Variants in TFRC observed in about 807,000 individuals in gnomAD.
TFRC encodes transferrin receptor, also known as transferrin receptor protein 1.
In TFRC, 35 loss-of-function variants were observed where a neutral mutation model predicts 85.8. The ratio of observed to expected loss-of-function variants is 0.41; its 90% CI spans 0.31 to 0.54. The LOEUF is 0.54. Ranked by LOEUF, TFRC falls within the 20% of genes least tolerant of loss-of-function variation. TFRC has a pLI of 0.31. For synonymous variants in TFRC, 362 were observed against 328.6 expected (o/e 1.10, Z -1.10); for missense variants, 828 against 921.5 (o/e 0.90, Z 1.31).
chr3:196,080,428 A>G (rs1719070996), intron 1 of TFRC, among the ~76,000 whole-genome samples: 1 of 152,076 alleles, frequency 6.6e-6, no homozygotes, highest in African/African-American at 2.4e-5. Flanking sequence ...TAGTAGAGAC[A>G]GGATTTCACC....
At chr3:196,079,509 G>T (rs915291565) in intron 1 of TFRC, among the ~76,000 whole-genome samples, 1 of 152,180 alleles carries the variant, frequency 6.6e-6, no homozygotes, top group African/African-American at 2.4e-5. Flanking sequence ...AGCTACTGGG[G>T]AGGCTGAGGC....
chr3:196,066,237 C>T (rs1371220693), intron 9 of TFRC, among the ~76,000 whole-genome samples: 6 of 152,158 alleles, frequency 3.9e-5, no homozygotes, highest in Non-Finnish European at 1.5e-5. Context: ...TATTAATACA[C>T]TTTTATGTTT....
chr3:196,067,446 A>T, intron 9 of TFRC, 72 bp downstream of exon 9: 2 of 1,445,832 alleles, frequency 1.4e-6, no homozygotes, highest in South Asian at 2.7e-5. Flanking sequence ...TTAACATTTT[A>T]ATCAACATAT....
At chr3:196,061,970 G>T (rs1717319097) in intron 13 of TFRC, among the ~76,000 whole-genome samples, 1 of 152,124 alleles carries the variant, frequency 6.6e-6, no homozygotes. Flanking sequence ...TTTAAAGGAA[G>T]GTTAAGATAC....
At chr3:196,063,787 G>A (rs542257234) in intron 11 of TFRC, among the ~76,000 whole-genome samples, 1 of 152,220 alleles carries the variant, frequency 6.6e-6, no homozygotes, top group African/African-American at 2.4e-5. Flanking sequence ...TGTGGTTGTG[G>A]GTGCCTGTAA....
rs771479370 is a variant in TFRC, at chr3:196,072,187, T to C, written c.435-35A>G. 5 of 1,604,168 alleles carry C rather than the reference T, an allele frequency of 3.1e-6. No homozygotes were observed. The Admixed American group carries it at 7.1e-5, about 23-fold the overall frequency. ...AAAATGCCTTTTAAATGAACTTAAG[T>C]TTACTTTAAAATAAACATTTAAGTC... On this transcript the variant is annotated intron_variant, in intron 4 of 18. Coordinates refer to ENST00000360110, the MANE Select transcript of TFRC (RefSeq NM_001128148.3).
At chr3:196,065,181 G>A (rs1717610475) in intron 10 of TFRC, among the ~76,000 whole-genome samples, 1 of 151,650 alleles carries the variant, frequency 6.6e-6, no homozygotes, top group Non-Finnish European at 1.5e-5. Context: ...AGAATGGCTT[G>A]AACCTGGGAG....
rs115733557 is a variant in TFRC at position 196,071,022 on chromosome 3, T to C, written c.687+374A>G. On this transcript the variant is annotated intron_variant, in intron 6 of 18. Coordinates refer to ENST00000360110, the MANE Select transcript of TFRC (RefSeq NM_001128148.3). Reference sequence around the variant, plus strand: ...CCCAGCCAAGATGGATATTTACATCTGTCCCCACAGGGAGGATATGCATTT... The same window carrying C: ...CCCAGCCAAGATGGATATTTACATCCGTCCCCACAGGGAGGATATGCATTT... Among the ~76,000 whole-genome samples the C allele has an allele frequency of 4.2e-3, 647 of 152,242 alleles. 4 individuals are homozygous for C. Among genetic ancestry groups the C allele is most frequent in the African/African-American group, 0.015 (613 of 41,562 alleles).
rs551249487 is a variant in TFRC at position 196,051,907 on chromosome 3, C to T, written c.*35G>A. On this transcript the variant is annotated 3_prime_UTR_variant, in exon 19 of 19. Transcript: ENST00000360110. ...CAGCACAAGTCTAGAAACCAGACTA[C>T]CCTGCTGTTCTCATGGAAGCTATGG... 2 of 1,605,584 alleles carry T rather than the reference C, an allele frequency of 1.2e-6. No homozygotes were observed. The highest frequency in any genetic ancestry group is 1.3e-5 in the African/African-American group (1 of 74,696).
intron 3 of TFRC, 100 bp downstream of exon 3, chr3:196,075,059 A>G (rs1359795889): frequency 9.5e-5 from 66 of 698,034 alleles, no homozygotes; most frequent in Admixed American, 1.3e-4. Context: ...AAAAAAAAAA[A>G]AAAAAAATAA....
intron 16 of TFRC, among the ~76,000 whole-genome samples, chr3:196,057,735 C>T (rs1716921612): frequency 6.8e-6 from 1 of 146,174 alleles, no homozygotes; most frequent in Non-Finnish European, 1.5e-5. Context: ...GAGCCATGAT[C>T]GGGCCACTGC....
At position 196,049,718 on chromosome 3, in the gene TFRC, C is replaced by T. The variant is rs188924844; in HGVS notation, c.*2224G>A. 8.7e-6 allele frequency: 2 copies of T among 230,028 alleles called. No individual in the cohort carries two copies. The highest frequency in any genetic ancestry group is 1.7e-5 in the Non-Finnish European group (2 of 116,092). The allele number at this position is 230,028 out of a possible 1,614,324, so 14.2% of individuals were successfully genotyped here. On this transcript the variant is annotated 3_prime_UTR_variant, in exon 19 of 19. Coordinates refer to ENST00000360110, the MANE Select transcript of TFRC (RefSeq NM_001128148.3). Reference sequence around the variant, plus strand: ...CATGCCACATGCTTTCATTTAAGTACGTGTGCGTAACACCCGAACCAGGAA... The same window carrying T: ...CATGCCACATGCTTTCATTTAAGTATGTGTGCGTAACACCCGAACCAGGAA...
chr3:196,050,287 C>A lies in TFRC; in HGVS notation c.*1655G>T. Reference sequence around the variant, plus strand: ...ACCATAAAGGTAACAAAAACCCAAGCTAAATTTCAAATTTTGTAGTAATTT... The same window carrying A: ...ACCATAAAGGTAACAAAAACCCAAGATAAATTTCAAATTTTGTAGTAATTT... On this transcript the variant is annotated 3_prime_UTR_variant, in exon 19 of 19. Coordinates refer to ENST00000360110, the MANE Select transcript of TFRC (RefSeq NM_001128148.3). The A allele has an allele frequency of 4.5e-6, 1 of 221,040 alleles. No homozygotes were observed. The highest frequency in any genetic ancestry group is 6.7e-5 in the East Asian group (1 of 14,940). The allele number at this position is 221,040 out of a possible 1,614,324, so 13.7% of individuals were successfully genotyped here.
chr3:196,065,431 G>GGGA lies in TFRC; in HGVS notation c.1198+11_1198+12insTCC. The GGGA allele has an allele frequency of 2.1e-6, 1 of 468,612 alleles. No individual in the cohort carries two copies. The highest frequency in any genetic ancestry group is 3.0e-6 in the Non-Finnish European group (1 of 338,932). The allele number at this position is 468,612 out of a possible 1,614,324, so 29.0% of individuals were successfully genotyped here. On this transcript the variant is annotated intron_variant, in intron 10 of 18. Transcript: ENST00000360110. ...AAAAAGCGGGGCGGGGGGGGGGGGG[G>GGGA]GCGGTCTTTACCTGGTTCTACAAAG...
chr3:196,056,447 T>C (rs1288790945), intron 16 of TFRC, among the ~76,000 whole-genome samples: 1 of 152,250 alleles, frequency 6.6e-6, no homozygotes, highest in Non-Finnish European at 1.5e-5. Flanking sequence ...TTGCCCAGGC[T>C]AGAGTGCAAT....
rs575927561 is a variant in TFRC at position 196,049,925 on chromosome 3, G to A, written c.*2017C>T. ...CCTATGAACTTTTCCCTAGGAGGCC[G>A]TTTCCAACTGCCCTATGACAAACAG... On this transcript the variant is annotated 3_prime_UTR_variant, in exon 19 of 19. Transcript: ENST00000360110. 3.0e-4 allele frequency: 70 copies of A among 231,404 alleles called. 1 individual carries two copies. Among genetic ancestry groups the A allele is most frequent in the Non-Finnish European group, 4.9e-4 (57 of 116,840 alleles). 14.3% of individuals were successfully genotyped at this position (231,404 alleles called of 1,614,324 possible).
In TFRC at chr3:196,051,018, A is replaced by T. The variant is rs1479126352; in HGVS notation, c.*924T>A. 6 of 205,608 alleles carry T rather than the reference A, an allele frequency of 2.9e-5. No homozygotes were observed. Among genetic ancestry groups the T allele is most frequent in the African/African-American group, 6.8e-5 (3 of 43,806 alleles). The allele number at this position is 205,608 out of a possible 1,614,324, so 12.7% of individuals were successfully genotyped here. A position where few individuals can be genotyped will look rare whatever the true frequency, so the allele number is the denominator to read the frequency against. ...CTGCTTCCGATAATTATATTCTATT[A>T]AAAAAACACCATTTATAGTGAACTC... On this transcript the variant is annotated 3_prime_UTR_variant, in exon 19 of 19. Transcript: ENST00000360110.
At chr3:196,053,189 T>C (rs373853865) in intron 18 of TFRC, among the ~76,000 whole-genome samples, 48 of 152,314 alleles carry the variant, frequency 3.2e-4, no homozygotes, top group African/African-American at 1.1e-3. Flanking sequence ...TCAGATTCTT[T>C]TCCCCATTGG....
At chr3:196,070,225 G>A (rs1293295126) in intron 6 of TFRC, among the ~76,000 whole-genome samples, 5 of 151,462 alleles carry the variant, frequency 3.3e-5, no homozygotes, top group East Asian at 1.9e-4. Flanking sequence ...CACCAGCCCC[G>A]AAAGGTATCC....
Sources: gnomAD v4.1 joint callset for allele counts (sites outside exome capture counted in the v4.1 genomes callset) on GRCh38, gnomAD v4.1.1 for gene constraint, MANE v1.5 for transcripts, NCBI Gene and HGNC (gene_info 2026-07-23, HGNC 2026-07-21) for gene names.